FGF14: variants seen among roughly 807,000 people sequenced by gnomAD.
The protein encoded by FGF14 is fibroblast growth factor 14.
Under a neutral mutation model 25.5 loss-of-function variants are expected in FGF14, and 5 were observed. The ratio of observed to expected loss-of-function variants is 0.20; its 90% CI spans 0.10 to 0.41. FGF14 has a LOEUF of 0.41. FGF14 is among the 10% of genes least tolerant of loss of function. The probability of loss-of-function intolerance (pLI) is 1.00; values close to 1 mark genes in which losing one functional copy is unlikely to be tolerated. For missense variants in FGF14, 222 were observed against 320.1 expected (o/e 0.69, Z 2.34); for synonymous variants, 138 against 118.3 (o/e 1.17, Z -1.08).
chr13:101,993,191 TAA>T (rs60655623), intron 1 of FGF14, among the ~76,000 whole-genome samples: 64 of 143,824 alleles, frequency 4.4e-4, no homozygotes, highest in Middle Eastern at 3.6e-3. Context: ...AAGCATTGAT[TAA>T]AAAAAAAAAA....
chr13:101,859,672 C>A (rs984506971), intron 3 of FGF14, among the ~76,000 whole-genome samples: 5 of 151,960 alleles, frequency 3.3e-5, no homozygotes, highest in African/African-American at 1.2e-4. Context: ...TTAAGTAGGT[C>A]GTATGGTTTT....
chr13:101,803,184 A>C (rs1032150246), intron 3 of FGF14, among the ~76,000 whole-genome samples: 10 of 148,344 alleles, frequency 6.7e-5, no homozygotes, highest in African/African-American at 2.5e-4. Context: ...GCTGGAGTGC[A>C]GGAGCATGAT....
intron 1 of FGF14, among the ~76,000 whole-genome samples, chr13:101,943,114 CTA>C (rs571713754): frequency 1.8e-3 from 281 of 152,314 alleles, no homozygotes; most frequent in African/African-American, 6.5e-3. Context: ...GTACAGAATG[CTA>C]ATAACTAGTC....
At chr13:101,756,016 A>G (rs2139870463) in intron 3 of FGF14, among the ~76,000 whole-genome samples, 1 of 152,282 alleles carries the variant, frequency 6.6e-6, no homozygotes, top group South Asian at 2.1e-4. Flanking sequence ...AGCTCTTCCC[A>G]ATTCTATATA....
chr13:102,062,015 C>T (rs1482176922), intron 1 of FGF14, among the ~76,000 whole-genome samples: 1 of 151,770 alleles, frequency 6.6e-6, no homozygotes, highest in African/African-American at 2.4e-5. Context: ...ATATGAGATA[C>T]AATGAAAAAA....
intron 1 of FGF14, among the ~76,000 whole-genome samples, chr13:102,314,706 G>C (rs2055934353): frequency 1.3e-5 from 2 of 152,200 alleles, no homozygotes; most frequent in East Asian, 1.9e-4. Flanking sequence ...TTTACAACAA[G>C]AGTTACTGTT....
chr13:101,892,653 T>G (rs1290842354), intron 1 of FGF14, among the ~76,000 whole-genome samples: 1 of 152,178 alleles, frequency 6.6e-6, no homozygotes, highest in Non-Finnish European at 1.5e-5. Flanking sequence ...GAACAAAATC[T>G]AACATTTGAC....
At chr13:102,258,363 C>T (rs1027716680) in intron 1 of FGF14, among the ~76,000 whole-genome samples, 12 of 152,048 alleles carry the variant, frequency 7.9e-5, no homozygotes, top group African/African-American at 2.9e-4. Flanking sequence ...GCCAGGAGGC[C>T]AAGCGACCAT....
intron 3 of FGF14, among the ~76,000 whole-genome samples, chr13:101,777,892 A>G (rs1452795309): frequency 6.6e-6 from 1 of 152,080 alleles, no homozygotes; most frequent in Non-Finnish European, 1.5e-5. Context: ...TGAACCCAGG[A>G]GGTGGAGGTT....
chr13:102,047,853 G>A (rs2042057625), intron 1 of FGF14, among the ~76,000 whole-genome samples: 1 of 151,978 alleles, frequency 6.6e-6, no homozygotes, highest in Admixed American at 6.6e-5. Context: ...TTTACAAATA[G>A]TTTTTCTCAA....
In FGF14 at chr13:101,916,512, A is replaced by G. The variant is rs564781215; in HGVS notation, c.134T>C (p.Val45Ala). Residue 45 changes from valine (V) to alanine (A), a missense_variant, in exon 1 of 5, where the codon GTG (valine) becomes GCG (alanine). Transcript: ENST00000376143. ...GATGCGCACTTTGGAGAAGATATCCACCAGGTTGCCGTTGCAGAGCCCGCG... is the reference window on the plus strand; with the variant it reads ...GATGCGCACTTTGGAGAAGATATCCGCCAGGTTGCCGTTGCAGAGCCCGCG... ...KNRGLCNGNL[V>A]DIFSKVRIFG... The G allele has an allele frequency of 6.2e-7, 1 of 1,613,858 alleles. No individual in the cohort carries two copies. Among genetic ancestry groups the G allele is most frequent in the East Asian group, 2.2e-5 (1 of 44,832 alleles).
chr13:101,832,180 T>A (rs1476835211), intron 3 of FGF14, among the ~76,000 whole-genome samples: 2 of 151,642 alleles, frequency 1.3e-5, no homozygotes, highest in African/African-American at 4.8e-5. Context: ...AGAGATTGAG[T>A]GATGTGTCCA....
At chr13:101,885,701 G>GAAA (rs75565604) in intron 1 of FGF14, among the ~76,000 whole-genome samples, 7 of 122,748 alleles carry the variant, frequency 5.7e-5, no homozygotes, top group Non-Finnish European at 7.0e-5. Flanking sequence ...ACAGGCCTCT[G>GAAA]AAAAAAAAAA....
chr13:101,742,655 G>A (rs988302817), intron 3 of FGF14, among the ~76,000 whole-genome samples: 1 of 152,064 alleles, frequency 6.6e-6, no homozygotes, highest in Non-Finnish European at 1.5e-5. Flanking sequence ...CCATAGTTAT[G>A]ATTAAAAGAT....
At chr13:102,043,572 G>C (rs1272653877) in intron 1 of FGF14, among the ~76,000 whole-genome samples, 1 of 152,156 alleles carries the variant, frequency 6.6e-6, no homozygotes, top group African/African-American at 2.4e-5. Context: ...AGGCAGGTTT[G>C]AGGGAGAAAT....
At chr13:101,915,313 G>A (rs2033355609) in intron 1 of FGF14, among the ~76,000 whole-genome samples, 1 of 152,142 alleles carries the variant, frequency 6.6e-6, no homozygotes, top group Admixed American at 6.5e-5. Flanking sequence ...AGAAACACAT[G>A]TATAGCTTAT....
In FGF14 at chr13:101,713,738, C is replaced by T; in HGVS notation, c.*9093G>A. 1 of 151,750 alleles carries T rather than the reference C, an allele frequency of 6.6e-6. No individual in the cohort carries two copies. The highest frequency in any genetic ancestry group is 1.9e-4 in the East Asian group (1 of 5,172). The allele number at this position is 151,750 out of a possible 1,614,324, so 9.4% of individuals were successfully genotyped here. The stretch of plus-strand genomic sequence containing the variant: ...CAGTAAGTAAAGATATTTTAAATAA[C>T]CAAAGAGGAAGTTTTTTAGTTAGGT... On this transcript the variant is annotated 3_prime_UTR_variant, in exon 5 of 5. Transcript: ENST00000376143.
intron 1 of FGF14, among the ~76,000 whole-genome samples, chr13:102,010,377 G>T (rs2040015202): frequency 6.6e-6 from 1 of 152,038 alleles, no homozygotes; most frequent in Non-Finnish European, 1.5e-5. Flanking sequence ...GCCTGGTTTG[G>T]TCCACATTTT....
At chr13:101,812,685 G>A (rs1374750444) in intron 3 of FGF14, among the ~76,000 whole-genome samples, 2 of 20,938 alleles carry the variant, frequency 9.6e-5, no homozygotes, top group African/African-American at 1.6e-4. Flanking sequence ...TTTTTTTTAC[G>A]GAGTTTTGCT....
Sources: gnomAD v4.1 joint callset for allele counts (sites outside exome capture counted in the v4.1 genomes callset) on GRCh38, gnomAD v4.1.1 for gene constraint, MANE v1.5 for transcripts, NCBI Gene and HGNC (gene_info 2026-07-23, HGNC 2026-07-21) for gene names.